MINDY1: variants seen among roughly 807,000 people sequenced by gnomAD.
MINDY1 encodes the protein MINDY lysine 48 deubiquitinase 1, also known as ubiquitin carboxyl-terminal hydrolase MINDY-1.
A neutral mutation model predicts 53.6 loss-of-function variants in MINDY1; 50 were observed. That is an observed-to-expected ratio of 0.93 (90% confidence interval 0.74 to 1.18). The LOEUF (loss-of-function observed/expected upper bound fraction) is 1.18. Among genes scored for constraint, MINDY1 ranks in the 50% most tolerant of loss-of-function variants. The probability of loss-of-function intolerance (pLI) is 0.00; values close to 1 mark genes in which losing one functional copy is unlikely to be tolerated. For missense variants in MINDY1, 484 were observed against 578.6 expected (o/e 0.84, Z 1.68); for synonymous variants, 231 against 234.7 (o/e 0.98, Z 0.14).
chr1:150,997,695 G>A lies in MINDY1; in HGVS notation c.1258C>T (p.Gln420Ter). The change falls in exon 9 of 10, where the codon CAG becomes TAG. Residue 420 changes from glutamine to a stop codon, truncating the protein, a stop_gained. Coordinates refer to ENST00000683666, the MANE Select transcript of MINDY1 (RefSeq NM_001376665.1). LOFTEE classifies it high-confidence loss of function. ...LTDLELAQQLQQEEYQQQQAA... is the reference protein window; with the variant it reads ...LTDLELAQQL Reference sequence around the variant, plus strand: ...TGCTGCTGTTGATACTCCTCTTGCTGAAGCTGCTGGGCCAGCTCCAAGTCG... The same window carrying A: ...TGCTGCTGTTGATACTCCTCTTGCTAAAGCTGCTGGGCCAGCTCCAAGTCG... 1.9e-6 allele frequency: 3 copies of A among 1,613,706 alleles called. 1 individual carries two copies. In the South Asian group the frequency reaches 3.3e-5, roughly 18 times the overall value.
chr1:151,002,305 T>C lies in MINDY1; in HGVS notation c.313A>G (p.Arg105Gly), dbSNP rs908184759. Residue 105 changes from arginine (R) to glycine (G), a missense_variant, in exon 2 of 10, where the codon AGG (arginine) becomes GGG (glycine). Transcript: ENST00000683666. This position sits in a 1 kb window ranked among gnomAD's most constrained non-coding sequence, Gnocchi z 4.1. ...SMPQELPQSPRTRQPEPDFYC... is the reference protein window; with the variant it reads ...SMPQELPQSPGTRQPEPDFYC... ...AAATCTGGCTCAGGCTGTCGGGTCC[T>C]GGGGGACTGAGGAAGCTCCTGGGGC... 5.6e-6 allele frequency: 9 copies of C among 1,614,070 alleles called. No individual in the cohort carries two copies. In the African/African-American group the frequency reaches 1.2e-4, roughly 22 times the overall value.
rs1672323127 is a variant in MINDY1, at chr1:150,999,767, G to C, written c.838+95C>G. On this transcript the variant is annotated intron_variant, in intron 6 of 9. Coordinates refer to ENST00000683666, the MANE Select transcript of MINDY1 (RefSeq NM_001376665.1). The surrounding 1 kb of genome is among the most constrained non-coding windows in gnomAD (Gnocchi z 4.4). ...CTCCTTCTTGTGAAGCTTATATCTAGTGGGATGTGGTAGGAGATGACACCC... is the reference window on the plus strand; with the variant it reads ...CTCCTTCTTGTGAAGCTTATATCTACTGGGATGTGGTAGGAGATGACACCC... 1 of 1,157,426 alleles carries C rather than the reference G, an allele frequency of 8.6e-7. No individual in the cohort carries two copies. The highest frequency in any genetic ancestry group is 1.5e-5 in the African/African-American group (1 of 65,744). 71.7% of individuals were successfully genotyped at this position (1,157,426 alleles called of 1,614,324 possible). A position where few individuals can be genotyped will look rare whatever the true frequency, so the allele number is the denominator to read the frequency against.
At position 151,002,496 on chromosome 1, in the gene MINDY1, C is replaced by T; in HGVS notation, c.122G>A (p.Arg41Lys). The part of the protein sequence containing the change: ...PDEHPQDTDA[R>K]DADGEARERE... ...TTCTCTAGCCTCCCCATCAGCATCTCTTGCATCTGTGTCCTGAGGGTGCTC... is the reference window on the plus strand; with the variant it reads ...TTCTCTAGCCTCCCCATCAGCATCTTTTGCATCTGTGTCCTGAGGGTGCTC... The change falls in exon 2 of 10, where the codon AGA (arginine) becomes AAA (lysine). Residue 41 changes from arginine (R) to lysine (K), a missense_variant. Transcript: ENST00000683666. This position sits in a 1 kb window ranked among gnomAD's most constrained non-coding sequence, Gnocchi z 4.1. The T allele has an allele frequency of 2.5e-6, 4 of 1,614,238 alleles. No individual in the cohort carries two copies. The highest frequency in any genetic ancestry group is 3.4e-6 in the Non-Finnish European group (4 of 1,180,040).
At position 150,997,437 on chromosome 1, in the gene MINDY1, G is replaced by C. The variant is rs1671945534; in HGVS notation, c.1330-70C>G. 7 of 1,550,550 alleles carry C rather than the reference G, an allele frequency of 4.5e-6. No homozygotes were observed. In the South Asian group the frequency reaches 8.2e-5, roughly 18 times the overall value. On this transcript the variant is annotated intron_variant, in intron 9 of 9. Coordinates refer to ENST00000683666, the MANE Select transcript of MINDY1 (RefSeq NM_001376665.1). ...CACAAGAAGAGATTCTAGAAGAAGG[G>C]GTGTCAGGATTGGGACAGAGAGTAG...
chr1:151,001,768 C>CG lies in MINDY1; in HGVS notation c.467dup (p.Gln157AlafsTer9), dbSNP rs749451674. 272 of 1,598,576 alleles carry CG rather than the reference C, an allele frequency of 1.7e-4. No individual in the cohort carries two copies. Among genetic ancestry groups the CG allele is most frequent in the Non-Finnish European group, 2.2e-4 (261 of 1,175,386 alleles). ...CATCCGATGTGATCACTTCCTTCTG[C>CG]GGGGGGAGCTTCACCTGGAGGCAGA... On this transcript the variant is annotated frameshift_variant, in exon 3 of 10. Transcript: ENST00000683666. LOFTEE classifies it high-confidence loss of function.
At chr1:150,997,594 G>A (rs373353013) in intron 9 of MINDY1, 30 bp downstream of exon 9, 17 of 1,603,988 alleles carry the variant, frequency 1.1e-5, no homozygotes, top group Middle Eastern at 1.7e-4. Context: ...GGTGGAAACC[G>A]GGAGTGTGGG....
intron 5 of MINDY1, 119 bp downstream of exon 5, chr1:151,000,338 C>T (rs755192444): frequency 4.7e-6 from 5 of 1,067,238 alleles, no homozygotes; most frequent in Non-Finnish European, 6.7e-6. Context: ...AGTCTCTAAA[C>T]ACTATTTCCC....
rs942297519 is a variant in MINDY1 at position 150,996,935 on chromosome 1, A to C, written c.*352T>G. On this transcript the variant is annotated 3_prime_UTR_variant, in exon 10 of 10. Coordinates refer to ENST00000683666, the MANE Select transcript of MINDY1 (RefSeq NM_001376665.1). ...GAAACAACTGGAGACAGGCCTGCCT[A>C]GGTGATCAGGAGCATCCAGGCAGCA... The C allele has an allele frequency of 1.1e-5, 3 of 265,914 alleles. No homozygotes were observed. The allele number at this position is 265,914 out of a possible 1,614,324, so 16.5% of individuals were successfully genotyped here.
At chr1:151,008,160 C>T (rs1005594295), upstream of MINDY1, 2 of 827,090 alleles carry the variant, frequency 2.4e-6, no homozygotes, top group Non-Finnish European at 3.0e-6. Flanking sequence ...ACCAGATGCT[C>T]GGTGTGATAT....
upstream of MINDY1, chr1:151,006,925 T>C (rs1673297497): frequency 4.1e-6 from 4 of 983,064 alleles, no homozygotes. Context: ...GAAGAGCAAG[T>C]GCCCTTGCTA....
chr1:151,008,351 C>T, upstream of MINDY1: 1 of 1,312,172 alleles, frequency 7.6e-7, no homozygotes, highest in Non-Finnish European at 9.9e-7. Context: ...CGCCCCACGC[C>T]ACGCCCCCTT....
chr1:151,006,761 G>A lies in MINDY1; in HGVS notation c.-539C>T. Reference sequence around the variant, plus strand: ...AGGAGGAGGGGCCTGCCCAGCGCTGGTGGATTTCCATCAGGACTTTCTGAC... The same window carrying A: ...AGGAGGAGGGGCCTGCCCAGCGCTGATGGATTTCCATCAGGACTTTCTGAC... On this transcript the variant is annotated 5_prime_UTR_variant, in exon 1 of 10. Coordinates refer to ENST00000683666, the MANE Select transcript of MINDY1 (RefSeq NM_001376665.1). 7.1e-6 allele frequency: 7 copies of A among 985,628 alleles called. No homozygotes were observed. The highest frequency in any genetic ancestry group is 8.4e-6 in the Non-Finnish European group (7 of 830,080). The allele number at this position is 985,628 out of a possible 1,614,324, so 61.1% of individuals were successfully genotyped here.
Position 151,002,083 on chromosome 1 carries a change from G to T in MINDY1, c.453+82C>A. The T allele has an allele frequency of 1.5e-5, 21 of 1,368,164 alleles. No individual in the cohort carries two copies. Among genetic ancestry groups the T allele is most frequent in the Non-Finnish European group, 2.0e-5 (20 of 999,734 alleles). The allele number at this position is 1,368,164 out of a possible 1,614,324, so 84.8% of individuals were successfully genotyped here. A position where few individuals can be genotyped will look rare whatever the true frequency, so the allele number is the denominator to read the frequency against. On this transcript the variant is annotated intron_variant, in intron 2 of 9. Coordinates refer to ENST00000683666, the MANE Select transcript of MINDY1 (RefSeq NM_001376665.1). This position sits in a 1 kb window ranked among gnomAD's most constrained non-coding sequence, Gnocchi z 4.1. ...ATCTGAAAAGTTTTGACTAGTTTGA[G>T]GACATCAGGATGATCAAGGAAGTAA...
chr1:151,001,199 T>C (rs1672525373), intron 4 of MINDY1, 51 bp downstream of exon 4: 4 of 1,566,250 alleles, frequency 2.6e-6, no homozygotes, highest in Admixed American at 1.7e-5. Context: ...TATTACAAGA[T>C]GTCCCCTTAC....
At position 150,997,364 on chromosome 1, in the gene MINDY1, TC is replaced by T; in HGVS notation, c.1332del (p.Arg445GlufsTer43). 6.3e-7 allele frequency: 1 copy of T among 1,598,494 alleles called. No homozygotes were observed. The highest frequency in any genetic ancestry group is 8.5e-7 in the Non-Finnish European group (1 of 1,171,230). On this transcript the variant is annotated frameshift_variant and splice_region_variant, in exon 10 of 10. Coordinates refer to ENST00000683666, the MANE Select transcript of MINDY1 (RefSeq NM_001376665.1). LOFTEE classifies it high-confidence loss of function. ...RMRTRVLSLQ[G>X]RGATSGRPAG... ...GCTGGGCGTCCAGATGTGGCTCCTC[TC>T]CCCTGTATCGGATTTAACAATTGGT...
chr1:150,999,638 G>A lies in MINDY1; in HGVS notation c.839-127C>T. 1 of 1,284,652 alleles carries A rather than the reference G, an allele frequency of 7.8e-7. No individual in the cohort carries two copies. The highest frequency in any genetic ancestry group is 1.1e-6 in the Non-Finnish European group (1 of 931,142). 79.6% of individuals were successfully genotyped at this position (1,284,652 alleles called of 1,614,324 possible). Reference sequence around the variant, plus strand: ...TCCCACCTTCTGACGTCCCTTTCTTGAAACCTGGCTGTATTCATTCACTTA... The same window carrying A: ...TCCCACCTTCTGACGTCCCTTTCTTAAAACCTGGCTGTATTCATTCACTTA... On this transcript the variant is annotated intron_variant, in intron 6 of 9. Coordinates refer to ENST00000683666, the MANE Select transcript of MINDY1 (RefSeq NM_001376665.1). This position sits in a 1 kb window ranked among gnomAD's most constrained non-coding sequence, Gnocchi z 4.4.
chr1:151,002,013 G>T lies in MINDY1; in HGVS notation c.453+152C>A. ...CTTTTTTTTTTTTCTTTGTTTTTAG[G>T]AACATCTTATCTCATTTGCTCAAGC... is the stretch of plus-strand genomic sequence containing the variant. On this transcript the variant is annotated intron_variant, in intron 2 of 9. Coordinates refer to ENST00000683666, the MANE Select transcript of MINDY1 (RefSeq NM_001376665.1). This position sits in a 1 kb window ranked among gnomAD's most constrained non-coding sequence, Gnocchi z 4.1. The T allele has an allele frequency of 1.2e-6, 1 of 860,860 alleles. No homozygotes were observed. Among genetic ancestry groups the T allele is most frequent in the Non-Finnish European group, 1.7e-6 (1 of 573,672 alleles). 53.3% of individuals were successfully genotyped at this position (860,860 alleles called of 1,614,324 possible).
At chr1:150,998,388 T>A (rs1424895151) in intron 7 of MINDY1, 115 bp from the exon 8 acceptor site, 2 of 951,096 alleles carry the variant, frequency 2.1e-6, no homozygotes, top group African/African-American at 3.3e-5. Flanking sequence ...GGAGTCTCGC[T>A]CTGTCATCCA....
chr1:150,999,899 G>A lies in MINDY1; in HGVS notation c.801C>T (p.Thr267=), dbSNP rs2102835483. 6.2e-7 allele frequency: 1 copy of A among 1,614,076 alleles called. No individual in the cohort carries two copies. The highest frequency in any genetic ancestry group is 1.3e-5 in the African/African-American group (1 of 75,000). The part of the protein sequence containing the change: ...SYNQLVERII[T]CKHSSDTNLV... ...GGTTGGTGTCACTGGAGTGTTTGCA[G>A]GTGATGATCCTCTCCACCAGCTGGT... Residue 267 remains threonine, a synonymous_variant, in exon 6 of 10, where the codon ACC becomes ACT. Coordinates refer to ENST00000683666, the MANE Select transcript of MINDY1 (RefSeq NM_001376665.1). The surrounding 1 kb of genome is among the most constrained non-coding windows in gnomAD (Gnocchi z 4.4).
Sources: gnomAD v4.1 joint callset for allele counts on GRCh38, gnomAD v4.1.1 for gene constraint, Gnocchi (gnomAD v3.1) non-coding constraint, MANE v1.5 for transcripts, NCBI Gene and HGNC (gene_info 2026-07-23, HGNC 2026-07-21) for gene names.